Variants in HECTD2 observed in about 807,000 individuals in gnomAD.
The protein encoded by HECTD2 is HECT domain E3 ubiquitin protein ligase 2, also known as probable E3 ubiquitin-protein ligase HECTD2.
In HECTD2, 35 loss-of-function variants were observed where a neutral mutation model predicts 103.2. The ratio of observed to expected loss-of-function variants is 0.34; its 90% CI spans 0.26 to 0.45. The LOEUF is 0.45. Ranked by LOEUF, HECTD2 falls within the 20% of genes least tolerant of loss-of-function variation. The probability of loss-of-function intolerance (pLI) is 1.00; values close to 1 mark genes in which losing one functional copy is unlikely to be tolerated. For missense variants in HECTD2, 596 were observed against 937.4 expected (o/e 0.64, Z 4.76); for synonymous variants, 281 against 329.9 (o/e 0.85, Z 1.61).
intron 2 of HECTD2, among the ~76,000 whole-genome samples, chr10:91,456,428 T>G (rs894687715): frequency 6.6e-6 from 1 of 152,192 alleles, no homozygotes; most frequent in Non-Finnish European, 1.5e-5. Flanking sequence ...TTGATTTTTG[T>G]ATCCTGAGAC....
intron 20 of HECTD2, among the ~76,000 whole-genome samples, chr10:91,505,197 G>C (rs1393212108): frequency 1.3e-5 from 2 of 151,672 alleles, no homozygotes; most frequent in Non-Finnish European, 2.9e-5. Context: ...ATCGAGACTA[G>C]GAAGAAACTG....
rs34254753 is a variant in HECTD2, at chr10:91,497,456, ATTTTTTTTTTT to A, written c.1681-636_1681-626del. Among the ~76,000 whole-genome samples, 111 of 74,774 alleles carry A rather than the reference ATTTTTTTTTTT, an allele frequency of 1.5e-3. 1 individual carries two copies. The highest frequency in any genetic ancestry group is 0.014 in the Middle Eastern group (1 of 70). The allele number at this position is 74,774 out of a possible 152,430, so 49.1% of individuals were successfully genotyped here. ...CAGGTGTGAGCCACCACACCTGGCT[ATTTTTTTTTTT>A]TTTTTTTTTTTTTTTGGATTTTTAG... On this transcript the variant is annotated intron_variant, in intron 15 of 20. Coordinates refer to ENST00000298068, the MANE Select transcript of HECTD2 (RefSeq NM_182765.6).
intron 6 of HECTD2, among the ~76,000 whole-genome samples, chr10:91,479,262 A>G (rs1008089166): frequency 2.6e-5 from 4 of 152,174 alleles, no homozygotes; most frequent in Admixed American, 1.3e-4. Flanking sequence ...GGTTTTTTAT[A>G]TATCTCAAAG....
At chr10:91,490,890 CAAAAAAAAAA>C (rs61035151) in intron 11 of HECTD2, among the ~76,000 whole-genome samples, 10 of 13,612 alleles carry the variant, frequency 7.3e-4, no homozygotes, top group East Asian at 2.7e-3. Flanking sequence ...GACTCCGTCT[CAAAAAAAAAA>C]AAAAAAAAAA....
chr10:91,432,295 G>C (rs746297426), intron 2 of HECTD2, among the ~76,000 whole-genome samples: 1 of 151,892 alleles, frequency 6.6e-6, no homozygotes, highest in Non-Finnish European at 1.5e-5. Flanking sequence ...CTAACAGCTT[G>C]TTTGCCCGTC....
rs985668125 is a variant in HECTD2 at position 91,506,889 on chromosome 10, A to C, written c.2211-5375A>C. ...AAAAATCCTCAATAAAATACTGGCA[A>C]AACGAATCCAGCAGCACATCAAAAA... is the stretch of plus-strand genomic sequence containing the variant. On this transcript the variant is annotated intron_variant, in intron 20 of 20. Transcript: ENST00000298068. Among the ~76,000 whole-genome samples, 19 of 147,580 alleles carry C rather than the reference A, an allele frequency of 1.3e-4. No homozygotes were observed. The South Asian group carries it at 2.7e-3, about 21-fold the overall frequency.
intron 8 of HECTD2, among the ~76,000 whole-genome samples, chr10:91,483,298 T>C (rs1846158757): frequency 6.6e-6 from 1 of 152,020 alleles, no homozygotes; most frequent in Admixed American, 6.6e-5. Context: ...TTGCACAAGC[T>C]GTTGAGAATT....
intron 1 of HECTD2, among the ~76,000 whole-genome samples, 181 bp downstream of exon 1, chr10:91,410,757 CCGAACACTTCG>C (rs1271025207): frequency 6.6e-6 from 1 of 152,150 alleles, no homozygotes; most frequent in African/African-American, 2.4e-5. Flanking sequence ...GTGGACAGCC[CCGAACACTTCG>C]CGAGGTACAC....
chr10:91,474,697 G>T (rs1041098689), intron 5 of HECTD2, among the ~76,000 whole-genome samples: 1 of 152,160 alleles, frequency 6.6e-6, no homozygotes, highest in Non-Finnish European at 1.5e-5. Context: ...GCTCTAAGTA[G>T]CTTATATTCT....
In HECTD2 at chr10:91,499,025, A is replaced by G; in HGVS notation, c.1844-19A>G. 6.4e-7 allele frequency: 1 copy of G among 1,564,004 alleles called. No individual in the cohort carries two copies. The highest frequency in any genetic ancestry group is 8.8e-7 in the Non-Finnish European group (1 of 1,135,612). The stretch of plus-strand genomic sequence containing the variant: ...GCCATTTACTTTTACTATTTAAGAG[A>G]TGTAAAATTGCTTTTCAGAATATGT... On this transcript the variant is annotated intron_variant, in intron 17 of 20. Transcript: ENST00000298068.
chr10:91,429,212 A>G (rs1276642036), intron 2 of HECTD2, among the ~76,000 whole-genome samples: 1 of 152,092 alleles, frequency 6.6e-6, no homozygotes, highest in Non-Finnish European at 1.5e-5. Context: ...CCAGCCTTGC[A>G]TCCCAGGGAT....
chr10:91,506,948 T>C (rs908872447), intron 20 of HECTD2, among the ~76,000 whole-genome samples: 390 of 150,478 alleles, frequency 2.6e-3, no homozygotes, highest in African/African-American at 9.0e-3. Context: ...GCTTCATCCC[T>C]GGGATGCAAG....
At chr10:91,499,215 A>T in intron 18 of HECTD2, 65 bp downstream of exon 18, 3 of 824,866 alleles carry the variant, frequency 3.6e-6, no homozygotes, top group Non-Finnish European at 5.8e-6. Flanking sequence ...TTAACAAATA[A>T]TTAATAAATA....
At chr10:91,502,693 A>AT (rs1188771433) in intron 20 of HECTD2, among the ~76,000 whole-genome samples, 3 of 152,110 alleles carry the variant, frequency 2.0e-5, no homozygotes, top group African/African-American at 4.8e-5. Flanking sequence ...TAGATTATAG[A>AT]TTTTTTGCAT....
intron 2 of HECTD2, among the ~76,000 whole-genome samples, chr10:91,442,004 C>T (rs1224279165): frequency 4.3e-5 from 3 of 70,164 alleles, no homozygotes; most frequent in East Asian, 5.1e-4. Flanking sequence ...CTCCTGAATA[C>T]AGCACACCAA....
intron 5 of HECTD2, chr10:91,462,388 T>G: frequency 8.6e-7 from 1 of 1,161,266 alleles, no homozygotes; most frequent in Non-Finnish European, 1.1e-6. Flanking sequence ...AATACTTTTA[T>G]ATCCAATCCT....
chr10:91,431,129 T>A (rs1843846151), intron 2 of HECTD2, among the ~76,000 whole-genome samples: 1 of 151,750 alleles, frequency 6.6e-6, no homozygotes, highest in Non-Finnish European at 1.5e-5. Flanking sequence ...TATTTCTCCT[T>A]CACTTAGGAA....
chr10:91,483,865 A>G (rs1206658732), intron 8 of HECTD2, among the ~76,000 whole-genome samples: 1 of 151,942 alleles, frequency 6.6e-6, no homozygotes, highest in Non-Finnish European at 1.5e-5. Context: ...ACTCACGGCT[A>G]GCAGCACTGT....
chr10:91,416,098 AC>A (rs1287486642), intron 1 of HECTD2, among the ~76,000 whole-genome samples: 1 of 152,100 alleles, frequency 6.6e-6, no homozygotes, highest in Non-Finnish European at 1.5e-5. Flanking sequence ...TTCATGAATA[AC>A]CCATTAGGAC....
Sources: gnomAD v4.1 joint callset for allele counts (sites outside exome capture counted in the v4.1 genomes callset) on GRCh38, gnomAD v4.1.1 for gene constraint, MANE v1.5 for transcripts, NCBI Gene and HGNC (gene_info 2026-07-23, HGNC 2026-07-21) for gene names.